The following MGLL variants were observed in gnomAD, a reference collection of about 807,000 sequenced individuals.
MGLL encodes the protein lysophospholipase homolog.
MGLL carries 7 observed loss-of-function variants against 29.1 expected under a neutral mutation model. That is an observed-to-expected ratio of 0.24 (90% CI 0.14 to 0.45). The LOEUF (loss-of-function observed/expected upper bound fraction) is 0.45. MGLL is among the 20% of genes least tolerant of loss of function. The probability of loss-of-function intolerance (pLI) is 0.99; values close to 1 mark genes in which losing one functional copy is unlikely to be tolerated. For missense variants in MGLL, 356 were observed against 413.6 expected (o/e 0.86, Z 1.21); for synonymous variants, 148 against 168.3 (o/e 0.88, Z 0.93).
At chr3:127,744,517 C>G (rs1213618379) in intron 3 of MGLL, among the ~76,000 whole-genome samples, 8 of 152,298 alleles carry the variant, frequency 5.3e-5, no homozygotes, top group African/African-American at 1.7e-4. Context: ...TCCAGAAATG[C>G]CAGACCTTTC....
intron 3 of MGLL, among the ~76,000 whole-genome samples, chr3:127,736,990 C>A (rs1270212546): frequency 6.6e-6 from 1 of 152,128 alleles, no homozygotes; most frequent in South Asian, 2.1e-4. Flanking sequence ...CCACTGCGCC[C>A]GGCCCTCCTC....
chr3:127,710,990 AG>A (rs2075700399), intron 5 of MGLL: 1 of 396,932 alleles, frequency 2.5e-6, no homozygotes, highest in South Asian at 2.1e-5. Flanking sequence ...CACTGGCAAG[AG>A]TTGCCTGGGA....
At chr3:127,698,710 G>A (rs192636757) in intron 6 of MGLL, among the ~76,000 whole-genome samples, 12 of 152,266 alleles carry the variant, frequency 7.9e-5, no homozygotes, top group Admixed American at 6.5e-4. Context: ...TTGTCCTGTC[G>A]TTTTGCAAAA....
rs1331130877 is a variant in MGLL at position 127,702,237 on chromosome 3, A to C, written c.601-7047T>G. 2.6e-5 allele frequency among the ~76,000 whole-genome samples: 4 copies of C among 152,210 alleles called. No individual in the cohort carries two copies. The South Asian group carries it at 8.3e-4, about 32-fold the overall frequency. ...GCTGGCAGGGACAACAGGGCAACTC[A>C]TGGGGTGTCACAGCCTCCAGCTCTA... is the stretch of plus-strand genomic sequence containing the variant. On this transcript the variant is annotated intron_variant, in intron 6 of 7. Coordinates refer to ENST00000265052, the MANE Select transcript of MGLL (RefSeq NM_007283.7).
chr3:127,811,947 C>T (rs1372176358), intron 2 of MGLL, among the ~76,000 whole-genome samples: 1 of 152,242 alleles, frequency 6.6e-6, no homozygotes, highest in East Asian at 1.9e-4. Flanking sequence ...TAATTGCGAA[C>T]CCACAGAATC....
At chr3:127,711,740 T>A (rs1001898046) in intron 5 of MGLL, 9 of 151,490 alleles carry the variant, frequency 5.9e-5, no homozygotes, top group African/African-American at 2.2e-4. Flanking sequence ...TTTTTTTTTT[T>A]TTTTTGAGAG....
rs548169247 is a variant in MGLL, at chr3:127,774,700, A to G, written c.262+7089T>C. 8.5e-5 allele frequency among the ~76,000 whole-genome samples: 13 copies of G among 152,238 alleles called. No homozygotes were observed. In the South Asian group the frequency reaches 2.7e-3, roughly 32 times the overall value. On this transcript the variant is annotated intron_variant, in intron 3 of 7. Transcript: ENST00000265052. ...TATGGTTTGTTACACACACTCTCTC[A>G]GGGGTCCTCAGCAGCAGCAGCAGCA...
At chr3:127,807,523 G>A (rs1171472426) in intron 2 of MGLL, among the ~76,000 whole-genome samples, 1 of 151,440 alleles carries the variant, frequency 6.6e-6, no homozygotes, top group Non-Finnish European at 1.5e-5. Flanking sequence ...GGCTTAACTT[G>A]CTCTTCTTTT....
intron 6 of MGLL, among the ~76,000 whole-genome samples, chr3:127,705,547 C>T (rs752119363): frequency 3.5e-4 from 53 of 151,942 alleles, no homozygotes; most frequent in Non-Finnish European, 5.9e-4. Context: ...GAGGCTGAGG[C>T]GGGCTGATCA....
At chr3:127,757,903 C>T (rs2076692681) in intron 3 of MGLL, among the ~76,000 whole-genome samples, 1 of 152,342 alleles carries the variant, frequency 6.6e-6, no homozygotes, top group East Asian at 1.9e-4. Context: ...GCACCTAGCA[C>T]ACCTGTAGGT....
chr3:127,735,155 C>T (rs1292039061), intron 3 of MGLL, among the ~76,000 whole-genome samples: 1 of 152,208 alleles, frequency 6.6e-6, no homozygotes, highest in African/African-American at 2.4e-5. Context: ...TTGCCTTAGT[C>T]CCCATTTTTA....
chr3:127,783,318 C>T (rs2077161108), intron 2 of MGLL, among the ~76,000 whole-genome samples: 2 of 152,130 alleles, frequency 1.3e-5, no homozygotes, highest in South Asian at 4.1e-4. Flanking sequence ...GGCGGAGGCT[C>T]CCAGTGCCTG....
chr3:127,749,071 T>C (rs576774338), intron 3 of MGLL, among the ~76,000 whole-genome samples: 1 of 152,288 alleles, frequency 6.6e-6, no homozygotes, highest in Admixed American at 6.5e-5. Context: ...ACTCTCTTAC[T>C]AAGCATGCTG....
intron 5 of MGLL, among the ~76,000 whole-genome samples, chr3:127,720,726 C>T (rs1452621190): frequency 6.6e-6 from 1 of 152,234 alleles, no homozygotes; most frequent in Non-Finnish European, 1.5e-5. Flanking sequence ...CAGTGAAAAA[C>T]AGCCCAGGCC....
At chr3:127,739,514 A>G (rs1017834807) in intron 3 of MGLL, among the ~76,000 whole-genome samples, 2 of 152,218 alleles carry the variant, frequency 1.3e-5, no homozygotes, top group Admixed American at 6.5e-5. Flanking sequence ...GAAGACCTCC[A>G]AGAGCCACTG....
intron 5 of MGLL, among the ~76,000 whole-genome samples, chr3:127,717,064 A>G (rs1350819111): frequency 6.6e-6 from 1 of 152,170 alleles, no homozygotes; most frequent in Admixed American, 6.5e-5. Flanking sequence ...AAAGCCCAAC[A>G]CCCAGCTATT....
At chr3:127,813,057 C>A (rs1050159703) in intron 2 of MGLL, among the ~76,000 whole-genome samples, 6 of 152,192 alleles carry the variant, frequency 3.9e-5, no homozygotes, top group Non-Finnish European at 8.8e-5. Flanking sequence ...AATCTCTAAT[C>A]CAGTAGACTG....
At chr3:127,755,387 G>A (rs1445270039) in intron 3 of MGLL, among the ~76,000 whole-genome samples, 1 of 152,164 alleles carries the variant, frequency 6.6e-6, no homozygotes, top group Non-Finnish European at 1.5e-5. Context: ...GCCTTCTGGG[G>A]TCTCAGCTCC....
At chr3:127,742,599 A>G (rs2076365037) in intron 3 of MGLL, among the ~76,000 whole-genome samples, 1 of 151,634 alleles carries the variant, frequency 6.6e-6, no homozygotes, top group Non-Finnish European at 1.5e-5. Context: ...CAAAAAAAAA[A>G]AAAAAAAAAA....
Sources: gnomAD v4.1 joint callset for allele counts (sites outside exome capture counted in the v4.1 genomes callset) on GRCh38, gnomAD v4.1.1 for gene constraint, MANE v1.5 for transcripts, NCBI Gene and HGNC (gene_info 2026-07-23, HGNC 2026-07-21) for gene names.